Variants in SLCO1B1 observed in about 807,000 individuals in gnomAD.
SLCO1B1 encodes the protein solute carrier organic anion transporter family member 1B1.
In SLCO1B1, 81 loss-of-function variants were observed where a neutral mutation model predicts 70.1. The observed-to-expected ratio is 1.16, with a 90% CI of 0.97 to 1.39. The LOEUF is 1.39. Among genes scored for constraint, SLCO1B1 ranks in the 40% most tolerant of loss-of-function variants. The pLI, the probability that SLCO1B1 is intolerant of heterozygous loss-of-function variation, is 0.00. For synonymous variants in SLCO1B1, 283 were observed against 271.5 expected (o/e 1.04, Z -0.42); for missense variants, 895 against 799.6 (o/e 1.12, Z -1.44).
intron 5 of SLCO1B1, among the ~76,000 whole-genome samples, chr12:21,177,564 A>G (rs1940838346): frequency 6.6e-6 from 1 of 152,242 alleles, no homozygotes; most frequent in African/African-American, 2.4e-5. Flanking sequence ...AGGATTTCAC[A>G]TTGTATATAT....
intron 2 of SLCO1B1, among the ~76,000 whole-genome samples, chr12:21,157,683 G>T (rs1281422269): frequency 2.0e-5 from 3 of 149,516 alleles, no homozygotes; most frequent in Non-Finnish European, 4.4e-5. Context: ...CTCACTGCAA[G>T]CTCTGCCTCC....
At chr12:21,179,047 T>C (rs1236684194) in intron 7 of SLCO1B1, 27 bp downstream of exon 7, 4 of 1,417,248 alleles carry the variant, frequency 2.8e-6, no homozygotes, top group East Asian at 2.3e-5. Flanking sequence ...CAAGGTACCA[T>C]GATAACGTCT....
intron 7 of SLCO1B1, among the ~76,000 whole-genome samples, chr12:21,181,116 A>G (rs989641501): frequency 3.3e-5 from 5 of 152,192 alleles, no homozygotes; most frequent in African/African-American, 9.6e-5. Context: ...ATCCAAAAGC[A>G]CTTGTGTTCC....
chr12:21,180,461 A>G (rs950883111), intron 7 of SLCO1B1, among the ~76,000 whole-genome samples: 3 of 152,174 alleles, frequency 2.0e-5, no homozygotes, highest in Admixed American at 6.5e-5. Context: ...TTGTGTGCTT[A>G]CTTGCCATCT....
At chr12:21,146,465 AT>A (rs1309562478) in intron 2 of SLCO1B1, among the ~76,000 whole-genome samples, 2 of 151,364 alleles carry the variant, frequency 1.3e-5, no homozygotes, top group Non-Finnish European at 3.0e-5. Flanking sequence ...TTTTTATTCT[AT>A]TTTTTCTTGT....
At chr12:21,169,039 C>A (rs1021586828) in intron 2 of SLCO1B1, among the ~76,000 whole-genome samples, 17 of 152,100 alleles carry the variant, frequency 1.1e-4, no homozygotes, top group Admixed American at 5.2e-4. Flanking sequence ...TTAATTTTTG[C>A]ATATAGTATA....
At chr12:21,184,155 G>A (rs1201830272) in intron 7 of SLCO1B1, among the ~76,000 whole-genome samples, 1 of 151,914 alleles carries the variant, frequency 6.6e-6, no homozygotes, top group Non-Finnish European at 1.5e-5. Flanking sequence ...AAAAGAGAGA[G>A]TAAACAACTT....
At chr12:21,134,577 A>C (rs1348786190) in intron 1 of SLCO1B1, among the ~76,000 whole-genome samples, 2 of 152,064 alleles carry the variant, frequency 1.3e-5, no homozygotes, top group Non-Finnish European at 2.9e-5. Context: ...TGTATGTGTC[A>C]AGGAATTTAT....
intron 2 of SLCO1B1, 73 bp downstream of exon 2, chr12:21,141,731 TA>T (rs1940312032): frequency 1.2e-6 from 1 of 859,654 alleles, no homozygotes. Flanking sequence ...AGCAAGTTGT[TA>T]AAAAGAACAT....
intron 2 of SLCO1B1, among the ~76,000 whole-genome samples, chr12:21,163,125 A>G (rs4149029): frequency 0.47 from 70,935 of 152,028 alleles, 17,455 homozygotes; most frequent in South Asian, 0.73. Flanking sequence ...ATACCTGTCC[A>G]GAAGATGTGG....
chr12:21,146,800 T>C lies in SLCO1B1; in HGVS notation c.84+5142T>C, dbSNP rs113695963. ...TTTCATTGTCATCTAAGAGAAGACATTATTAGTTTAAATGTGTTAAGGTGT... is the reference window on the plus strand; with the variant it reads ...TTTCATTGTCATCTAAGAGAAGACACTATTAGTTTAAATGTGTTAAGGTGT... On this transcript the variant is annotated intron_variant, in intron 2 of 14. Transcript: ENST00000256958. Among the ~76,000 whole-genome samples the C allele has an allele frequency of 9.8e-5, 15 of 152,308 alleles. 1 individual carries two copies. Among genetic ancestry groups the C allele is most frequent in the Admixed American group, 3.3e-4 (5 of 15,302 alleles).
chr12:21,205,937 A>C lies in SLCO1B1; in HGVS notation c.1401A>C (p.Glu467Asp), dbSNP rs752239928. The C allele has an allele frequency of 6.2e-7, 1 of 1,611,748 alleles. No individual in the cohort carries two copies. The highest frequency in any genetic ancestry group is 1.7e-5 in the Admixed American group (1 of 59,854). Residue 467 changes from glutamate (E) to aspartate (D), a missense_variant, in exon 11 of 15, where the codon GAA becomes GAC. Coordinates refer to ENST00000256958, the MANE Select transcript of SLCO1B1 (RefSeq NM_006446.5). ...SYCNSDCNCD[E>D]SQWEPVCGNN... Reference sequence around the variant, plus strand: ...GCAACTCAGACTGCAATTGTGATGAAAGTCAATGGGAACCAGTCTGTGGAA... The same window carrying C: ...GCAACTCAGACTGCAATTGTGATGACAGTCAATGGGAACCAGTCTGTGGAA...
intron 7 of SLCO1B1, among the ~76,000 whole-genome samples, chr12:21,193,656 C>G (rs1376423248): frequency 6.6e-6 from 1 of 152,124 alleles, no homozygotes; most frequent in Non-Finnish European, 1.5e-5. Context: ...CTCTGCTTCC[C>G]CTTTAAATAT....
intron 8 of SLCO1B1, 37 bp downstream of exon 8, chr12:21,197,225 T>A: frequency 1.2e-6 from 2 of 1,607,994 alleles, no homozygotes; most frequent in East Asian, 2.2e-5. Context: ...TTGGAGTTGT[T>A]AATCTCAATG....
chr12:21,155,835 G>T (rs1425299631), intron 2 of SLCO1B1, among the ~76,000 whole-genome samples: 1 of 152,070 alleles, frequency 6.6e-6, no homozygotes, highest in African/African-American at 2.4e-5. Flanking sequence ...AATACTGAGG[G>T]GATTACCTGT....
chr12:21,135,045 A>G (rs1255431829), intron 1 of SLCO1B1, among the ~76,000 whole-genome samples: 2 of 152,060 alleles, frequency 1.3e-5, no homozygotes, highest in Non-Finnish European at 2.9e-5. Context: ...GTTTGTTCTC[A>G]TTGGTTTCAA....
chr12:21,134,446 G>C (rs140657404), intron 1 of SLCO1B1, among the ~76,000 whole-genome samples: 2,213 of 152,230 alleles, frequency 0.015, 48 homozygotes, highest in African/African-American at 0.05. Flanking sequence ...GAATTCGGCT[G>C]TGAATCCATC....
intron 1 of SLCO1B1, among the ~76,000 whole-genome samples, chr12:21,132,917 T>A (rs1240820573): frequency 6.6e-6 from 1 of 152,112 alleles, no homozygotes; most frequent in Non-Finnish European, 1.5e-5. Context: ...CATGCCTATG[T>A]CCTGAATGGT....
At chr12:21,233,217 G>A (rs1200071142) in intron 14 of SLCO1B1, among the ~76,000 whole-genome samples, 3 of 132,368 alleles carry the variant, frequency 2.3e-5, no homozygotes, top group Admixed American at 7.3e-5. Context: ...CAGTCACCCC[G>A]ACTCAGGCCT....
Sources: gnomAD v4.1 joint callset for allele counts (sites outside exome capture counted in the v4.1 genomes callset) on GRCh38, gnomAD v4.1.1 for gene constraint, MANE v1.5 for transcripts, NCBI Gene and HGNC (gene_info 2026-07-23, HGNC 2026-07-21) for gene names.